The following CERT1 variants were observed in gnomAD, a reference collection of about 807,000 sequenced individuals.
CERT1 encodes ceramide transfer protein.
In CERT1, 31 loss-of-function variants were observed where a neutral mutation model predicts 87.9. The ratio of observed to expected loss-of-function variants is 0.35; its 90% CI spans 0.27 to 0.48. The LOEUF (loss-of-function observed/expected upper bound fraction) is 0.48, where lower values mean the gene tolerates loss of function less well. Ranked by LOEUF, CERT1 falls within the 20% of genes least tolerant of loss-of-function variation. The probability of loss-of-function intolerance (pLI) is 0.99; values close to 1 mark genes in which losing one functional copy is unlikely to be tolerated. For missense variants in CERT1, 487 were observed against 758.0 expected (o/e 0.64, Z 4.20); for synonymous variants, 289 against 250.9 (o/e 1.15, Z -1.44).
chr5:75,415,854 T>A (rs1396328594), intron 7 of CERT1, among the ~76,000 whole-genome samples: 1 of 152,120 alleles, frequency 6.6e-6, no homozygotes, highest in Non-Finnish European at 1.5e-5. Context: ...TAATAATAGT[T>A]TGGCTCCAGA....
chr5:75,442,491 G>C, intron 3 of CERT1, among the ~76,000 whole-genome samples: 1 of 152,202 alleles, frequency 6.6e-6, no homozygotes, highest in East Asian at 1.9e-4. Flanking sequence ...AAAGTGCTGG[G>C]ATTACAGGCA....
downstream of CERT1, chr5:75,373,810 C>T (rs528110888): frequency 1.3e-5 from 4 of 314,826 alleles, no homozygotes; most frequent in South Asian, 6.3e-4. Context: ...GTGCACAAAA[C>T]CTGATACAAC....
intron 15 of CERT1, 133 bp from the exon 16 acceptor site, chr5:75,381,334 T>A: frequency 1.0e-6 from 1 of 989,266 alleles, no homozygotes. Context: ...AGCACCAAGC[T>A]GATATGACAC....
upstream of CERT1, chr5:75,511,955 T>C (rs1428743491): frequency 1.3e-6 from 1 of 786,734 alleles, no homozygotes; most frequent in Admixed American, 3.0e-5. Flanking sequence ...CCTTGGGGCC[T>C]TGTCAGTCGG....
At chr5:75,480,781 A>G (rs1292295601) in intron 2 of CERT1, among the ~76,000 whole-genome samples, 1 of 151,828 alleles carries the variant, frequency 6.6e-6, no homozygotes, top group East Asian at 1.9e-4. Context: ...TTTCTCTCAC[A>G]CTCCATAGGA....
At chr5:75,472,077 G>C (rs563693514) in intron 2 of CERT1, among the ~76,000 whole-genome samples, 1 of 152,142 alleles carries the variant, frequency 6.6e-6, no homozygotes, top group African/African-American at 2.4e-5. Flanking sequence ...CATAAAAATA[G>C]ACACACAGAC....
chr5:75,448,047 G>C (rs1158032283), intron 3 of CERT1, among the ~76,000 whole-genome samples: 1 of 152,158 alleles, frequency 6.6e-6, no homozygotes, highest in African/African-American at 2.4e-5. Context: ...TTTAAGACTT[G>C]TAAACATTGT....
chr5:75,489,370 T>A (rs548368221), intron 2 of CERT1, among the ~76,000 whole-genome samples: 12 of 152,098 alleles, frequency 7.9e-5, no homozygotes, highest in African/African-American at 2.7e-4. Context: ...CCAAAAGCAA[T>A]GGCAACAAAA....
At chr5:75,459,378 C>T (rs1013869918) in intron 2 of CERT1, among the ~76,000 whole-genome samples, 197 bp from the exon 3 acceptor site, 8 of 152,216 alleles carry the variant, frequency 5.3e-5, no homozygotes, top group Non-Finnish European at 7.3e-5. Flanking sequence ...TCACTCACTA[C>T]TCTTACAAAT....
intron 1 of CERT1, among the ~76,000 whole-genome samples, chr5:75,509,118 A>C (rs1441182817): frequency 6.6e-6 from 1 of 152,156 alleles, no homozygotes; most frequent in Non-Finnish European, 1.5e-5. Flanking sequence ...TTGAACTGGT[A>C]TATTTCTAAT....
At position 75,412,558 on chromosome 5, in the gene CERT1, T is replaced by C. The variant is rs983019787; in HGVS notation, c.838-1455A>G. On this transcript the variant is annotated intron_variant, in intron 7 of 16. Coordinates refer to ENST00000643780, the MANE Select transcript of CERT1 (RefSeq NM_001379029.1). ...TGTCACTGACGACTTAATTCTTGTA[T>C]AAACATCATAGAGTGTACTTATATA... is the stretch of plus-strand genomic sequence containing the variant. Among the ~76,000 whole-genome samples, 4 of 152,334 alleles carry C rather than the reference T, an allele frequency of 2.6e-5. No individual in the cohort carries two copies. The East Asian group carries it at 7.7e-4, about 29-fold the overall frequency.
chr5:75,431,560 T>C (rs1301420276), intron 3 of CERT1, among the ~76,000 whole-genome samples: 1 of 152,194 alleles, frequency 6.6e-6, no homozygotes, highest in Non-Finnish European at 1.5e-5. Flanking sequence ...GGGTTGGAAA[T>C]GAACTAATTA....
chr5:75,430,433 T>C (rs1455421261), intron 3 of CERT1, among the ~76,000 whole-genome samples: 2 of 152,154 alleles, frequency 1.3e-5, no homozygotes, highest in Non-Finnish European at 2.9e-5. Flanking sequence ...ATCAAAAGCA[T>C]GTACTTCATG....
At chr5:75,455,637 T>C (rs1298378512) in intron 3 of CERT1, among the ~76,000 whole-genome samples, 1 of 152,160 alleles carries the variant, frequency 6.6e-6, no homozygotes, top group East Asian at 1.9e-4. Context: ...ACTGTCCTGT[T>C]TGACAATCCA....
intron 17 of CERT1, chr5:75,372,534 A>G (rs1224283878): frequency 3.9e-5 from 6 of 152,224 alleles, no homozygotes; most frequent in African/African-American, 1.4e-4. Context: ...GCATTTTTCT[A>G]TAAGGCATAT....
intron 9 of CERT1, chr5:75,400,905 T>A (rs1762444777): frequency 6.6e-6 from 1 of 152,234 alleles, no homozygotes; most frequent in African/African-American, 2.4e-5. Flanking sequence ...TCATTTCTCA[T>A]GCACCAGTTT....
At chr5:75,383,386 T>C (rs1212589222) in intron 14 of CERT1, among the ~76,000 whole-genome samples, 1 of 152,144 alleles carries the variant, frequency 6.6e-6, no homozygotes, top group Non-Finnish European at 1.5e-5. Flanking sequence ...TCTAGCAGAA[T>C]ACCTTCAGCA....
At position 75,425,560 on chromosome 5, in the gene CERT1, C is replaced by A. The variant is rs1763580122; in HGVS notation, c.457-61G>T. On this transcript the variant is annotated intron_variant, in intron 4 of 16. Coordinates refer to ENST00000643780, the MANE Select transcript of CERT1 (RefSeq NM_001379029.1). ...AAAACAAAACTGGATTTCATGTGGT[C>A]CTATGGTATTTCATCAACTTTTAAG... The A allele has an allele frequency of 5.8e-6, 9 of 1,542,952 alleles. No individual in the cohort carries two copies. The East Asian group carries it at 1.6e-4, about 27-fold the overall frequency.
rs144156836 is a variant in CERT1, at chr5:75,387,388, C to T, written c.1285-1354G>A. The stretch of plus-strand genomic sequence containing the variant: ...TAGGCTTTCATCACTTTGTGCCTGA[C>T]TCTTTTAAGTAGTCTGCTTGTTCTC... On this transcript the variant is annotated intron_variant, in intron 12 of 16. Coordinates refer to ENST00000643780, the MANE Select transcript of CERT1 (RefSeq NM_001379029.1). 2.0e-5 allele frequency among the ~76,000 whole-genome samples: 3 copies of T among 152,234 alleles called. No individual in the cohort carries two copies. In the East Asian group the frequency reaches 5.8e-4, roughly 29 times the overall value.
Sources: allele counts gnomAD v4.1 joint callset (sites outside exome capture counted in the v4.1 genomes callset), GRCh38; gene constraint gnomAD v4.1.1; transcripts MANE v1.5; gene names NCBI Gene and HGNC (gene_info 2026-07-23, HGNC 2026-07-21).